The following TMEM132D variants were observed in gnomAD, a reference collection of about 807,000 sequenced individuals.
TMEM132D encodes the protein transmembrane protein 132D, also known as mature OL transmembrane protein.
In TMEM132D, 21 loss-of-function variants were observed where a neutral mutation model predicts 62.3. The observed-to-expected ratio is 0.34, with a 90% confidence interval of 0.24 to 0.49. The LOEUF is 0.49. TMEM132D is among the 20% of genes least tolerant of loss of function. The pLI, the probability that TMEM132D is intolerant of heterozygous loss-of-function variation, is 0.99. For missense variants in TMEM132D, 1,346 were observed against 1,402.8 expected (o/e 0.96, Z 0.65); for synonymous variants, 621 against 575.6 (o/e 1.08, Z -1.13).
chr12:129,826,374 T>C (rs567047395), intron 1 of TMEM132D, among the ~76,000 whole-genome samples: 6 of 152,224 alleles, frequency 3.9e-5, no homozygotes, highest in East Asian at 1.9e-4. Context: ...CAGCATGACA[T>C]AGCTGATTTC....
At chr12:129,627,659 C>T (rs898529542) in intron 2 of TMEM132D, among the ~76,000 whole-genome samples, 6 of 151,940 alleles carry the variant, frequency 3.9e-5, no homozygotes, top group South Asian at 2.1e-4. Flanking sequence ...ATGTTACCCA[C>T]AAAAATAAGA....
intron 1 of TMEM132D, among the ~76,000 whole-genome samples, chr12:129,849,799 C>T (rs1873483810): frequency 1.3e-5 from 2 of 152,152 alleles, no homozygotes; most frequent in South Asian, 4.2e-4. Flanking sequence ...CACGATTACA[C>T]AGATAAGGGA....
chr12:129,261,230 G>C (rs1880543364), intron 4 of TMEM132D, among the ~76,000 whole-genome samples: 1 of 152,180 alleles, frequency 6.6e-6, no homozygotes, highest in Non-Finnish European at 1.5e-5. Context: ...CAGTTTGGCT[G>C]TGTCCCCACC....
chr12:129,753,343 T>G (rs1207498930), intron 1 of TMEM132D, among the ~76,000 whole-genome samples: 1 of 152,242 alleles, frequency 6.6e-6, no homozygotes, highest in African/African-American at 2.4e-5. Context: ...GTGGAGAGGC[T>G]TTAAAGCCAA....
chr12:129,402,132 A>G (rs1871641268), intron 3 of TMEM132D, among the ~76,000 whole-genome samples: 1 of 152,188 alleles, frequency 6.6e-6, no homozygotes, highest in South Asian at 2.1e-4. Flanking sequence ...CAGGTTTCCT[A>G]TGCATACCTC....
chr12:129,155,202 G>A (rs1163570556), intron 5 of TMEM132D, among the ~76,000 whole-genome samples: 1 of 152,146 alleles, frequency 6.6e-6, no homozygotes, highest in Non-Finnish European at 1.5e-5. Context: ...ATACCATATT[G>A]CACTTTCTCT....
At chr12:129,444,421 C>T (rs1036178699) in intron 3 of TMEM132D, among the ~76,000 whole-genome samples, 2 of 152,056 alleles carry the variant, frequency 1.3e-5, no homozygotes, top group African/African-American at 2.4e-5. Context: ...AGAAAAACAA[C>T]AAGCAACCCC....
intron 3 of TMEM132D, among the ~76,000 whole-genome samples, chr12:129,477,626 C>G (rs988079299): frequency 2.0e-5 from 3 of 152,188 alleles, no homozygotes; most frequent in African/African-American, 7.2e-5. Flanking sequence ...CGAGACCATC[C>G]TGGCTAACAC....
At chr12:129,513,762 GGCGTGAGCCACC>G (rs1345515408) in intron 3 of TMEM132D, among the ~76,000 whole-genome samples, 2 of 150,650 alleles carry the variant, frequency 1.3e-5, no homozygotes, top group Non-Finnish European at 3.0e-5. Context: ...TGGGATTACA[GGCGTGAGCCACC>G]GCGCCCGGCC....
intron 3 of TMEM132D, among the ~76,000 whole-genome samples, chr12:129,399,639 C>CAAAAAAA (rs61117388): frequency 7.6e-6 from 1 of 130,832 alleles, no homozygotes; most frequent in Non-Finnish European, 1.7e-5. Flanking sequence ...GAGGACGTCT[C>CAAAAAAA]AAAAAAAAAA....
intron 1 of TMEM132D, among the ~76,000 whole-genome samples, chr12:129,860,791 T>G (rs1261373954): frequency 6.6e-6 from 1 of 152,194 alleles, no homozygotes; most frequent in Admixed American, 6.5e-5. Flanking sequence ...CGTGTCCTTT[T>G]TCACAGGGCA....
At chr12:129,571,744 G>T (rs2137119886) in intron 2 of TMEM132D, among the ~76,000 whole-genome samples, 1 of 152,212 alleles carries the variant, frequency 6.6e-6, no homozygotes, top group South Asian at 2.1e-4. Flanking sequence ...GAAGTAAATT[G>T]ACCCCATTTT....
chr12:129,226,548 G>C (rs1879485762), intron 4 of TMEM132D, among the ~76,000 whole-genome samples: 1 of 152,182 alleles, frequency 6.6e-6, no homozygotes, highest in South Asian at 2.1e-4. Context: ...TGGTCACCTG[G>C]TAACCTAGGA....
intron 2 of TMEM132D, among the ~76,000 whole-genome samples, chr12:129,557,524 G>A (rs1877097859): frequency 6.6e-6 from 1 of 151,946 alleles, no homozygotes; most frequent in Non-Finnish European, 1.5e-5. Context: ...AGACTAGCCT[G>A]GGCAACACAG....
rs2135604573 is a variant in TMEM132D at position 129,074,763 on chromosome 12, G to C, written c.2412C>G (p.Pro804=). 6.2e-7 allele frequency: 1 copy of C among 1,614,042 alleles called. No homozygotes were observed. The highest frequency in any genetic ancestry group is 8.5e-7 in the Non-Finnish European group (1 of 1,180,018). ...CTGTGTGTCTGCTGTCACTGGTGTTGGGGTTAGCATCGTTTTGGCCAAATT... is the reference window on the plus strand; with the variant it reads ...CTGTGTGTCTGCTGTCACTGGTGTTCGGGTTAGCATCGTTTTGGCCAAATT... The part of the protein sequence containing the change: ...KVKFGQNDAN[P]NTSDSRHTGA... Residue 804 remains proline (P), a synonymous_variant, in exon 9 of 9, where the codon CCC becomes CCG. Transcript: ENST00000422113.
At chr12:129,400,620 T>C (rs374827026) in intron 3 of TMEM132D, among the ~76,000 whole-genome samples, 1 of 152,192 alleles carries the variant, frequency 6.6e-6, no homozygotes, top group South Asian at 2.1e-4. Flanking sequence ...CAAAAACTAC[T>C]GGTTCTGCCC....
At chr12:129,398,613 TC>T (rs1369949843) in intron 3 of TMEM132D, among the ~76,000 whole-genome samples, 1 of 152,214 alleles carries the variant, frequency 6.6e-6, no homozygotes, top group East Asian at 1.9e-4. Context: ...GAGGATCACA[TC>T]TTCACCTTAG....
intron 1 of TMEM132D, among the ~76,000 whole-genome samples, chr12:129,771,793 A>G (rs1870763326): frequency 6.6e-6 from 1 of 152,234 alleles, no homozygotes; most frequent in Admixed American, 6.5e-5. Context: ...AATTCAGGTA[A>G]ACCTGTCAAT....
chr12:129,578,671 C>T (rs1439687246), intron 2 of TMEM132D, among the ~76,000 whole-genome samples: 3 of 151,990 alleles, frequency 2.0e-5, no homozygotes, highest in African/African-American at 4.8e-5. Flanking sequence ...GGTGATATCA[C>T]GTGAAGGCCA....
Sources: gnomAD v4.1 joint callset for allele counts (sites outside exome capture counted in the v4.1 genomes callset) on GRCh38, gnomAD v4.1.1 for gene constraint, MANE v1.5 for transcripts, NCBI Gene and HGNC (gene_info 2026-07-23, HGNC 2026-07-21) for gene names.